KCTD16: variants seen among roughly 807,000 people sequenced by gnomAD.
The protein encoded by KCTD16 is potassium channel tetramerization domain containing 16.
Under a neutral mutation model 33.2 loss-of-function variants are expected in KCTD16, and 13 were observed. The observed-to-expected ratio is 0.39, with a 90% CI of 0.25 to 0.62. The LOEUF (loss-of-function observed/expected upper bound fraction) is 0.62, where lower values mean the gene tolerates loss of function less well. Among genes scored for constraint, KCTD16 ranks in the 20% least tolerant of loss-of-function variants. KCTD16 has a pLI of 0.50. For synonymous variants in KCTD16, 197 were observed against 195.3 expected, an observed-to-expected ratio of 1.01 and a Z score of -0.07; for missense variants, 441 against 525.1, an observed-to-expected ratio of 0.84 and a Z score of 1.57.
chr5:144,442,377 A>G (rs746725650), intron 3 of KCTD16, among the ~76,000 whole-genome samples: 8 of 152,230 alleles, frequency 5.3e-5, no homozygotes, highest in Admixed American at 2.6e-4. Flanking sequence ...CCTTGTGACT[A>G]GCAGAGTTGA....
chr5:144,250,575 C>G (rs963173026), intron 3 of KCTD16, among the ~76,000 whole-genome samples: 3 of 152,144 alleles, frequency 2.0e-5, no homozygotes, highest in African/African-American at 7.2e-5. Context: ...GTTTAGTAGG[C>G]AATTTACATT....
Position 144,246,876 on chromosome 5 carries a change from G to A in KCTD16, c.832+39330G>A, listed in dbSNP as rs574196333. ...TGCCTCCTCTAGCCATGGAGAAGAT[G>A]TATCAGGGAGAGCATGAACTTTGGA... is the stretch of plus-strand genomic sequence containing the variant. On this transcript the variant is annotated intron_variant, in intron 3 of 3. Coordinates refer to ENST00000512467, the MANE Select transcript of KCTD16 (RefSeq NM_020768.4). Among the ~76,000 whole-genome samples, 17 of 152,280 alleles carry A rather than the reference G, an allele frequency of 1.1e-4. No homozygotes were observed. In the East Asian group the frequency reaches 3.3e-3, roughly 29 times the overall value.
chr5:144,203,493 C>T (rs1753088526), intron 2 of KCTD16, among the ~76,000 whole-genome samples: 1 of 152,118 alleles, frequency 6.6e-6, no homozygotes, highest in South Asian at 2.1e-4. Flanking sequence ...AATCGTGTGA[C>T]CCTGAGGAAG....
At chr5:144,432,301 TA>T in intron 3 of KCTD16, among the ~76,000 whole-genome samples, 1 of 152,280 alleles carries the variant, frequency 6.6e-6, no homozygotes, top group East Asian at 1.9e-4. Flanking sequence ...GGAACATTAA[TA>T]AGTGCTTACA....
At chr5:144,193,179 C>A (rs1440148633) in intron 2 of KCTD16, among the ~76,000 whole-genome samples, 1 of 152,164 alleles carries the variant, frequency 6.6e-6, no homozygotes, top group Non-Finnish European at 1.5e-5. Context: ...ATCTGTTATC[C>A]CCATATCAGC....
chr5:144,379,149 C>T (rs75072914), intron 3 of KCTD16, among the ~76,000 whole-genome samples: 8,644 of 152,158 alleles, frequency 0.057, 815 homozygotes, highest in African/African-American at 0.19. Context: ...ATGCCTTTTA[C>T]GACTACCCAT....
chr5:144,195,071 A>T (rs531468202), intron 2 of KCTD16, among the ~76,000 whole-genome samples: 1 of 152,304 alleles, frequency 6.6e-6, no homozygotes, highest in African/African-American at 2.4e-5. Context: ...CAGCTTCCCC[A>T]GACCCTCAGG....
At chr5:144,337,553 G>GA (rs1752521161) in intron 3 of KCTD16, among the ~76,000 whole-genome samples, 4 of 150,546 alleles carry the variant, frequency 2.7e-5, no homozygotes, top group African/African-American at 5.0e-5. Flanking sequence ...CTTTTTATGT[G>GA]ATGTACATTG....
chr5:144,303,709 A>G (rs1012288560), intron 3 of KCTD16, among the ~76,000 whole-genome samples: 1 of 152,088 alleles, frequency 6.6e-6, no homozygotes, highest in African/African-American at 2.4e-5. Flanking sequence ...GGGGGTGGGA[A>G]ATGAGGAGAT....
chr5:144,216,712 C>T (rs542605886), intron 3 of KCTD16, among the ~76,000 whole-genome samples: 51 of 151,830 alleles, frequency 3.4e-4, no homozygotes, highest in African/African-American at 9.4e-4. Flanking sequence ...AGTATGGTGA[C>T]GGGCGCCTGT....
At chr5:144,201,840 G>A (rs760182828) in intron 2 of KCTD16, among the ~76,000 whole-genome samples, 5 of 152,222 alleles carry the variant, frequency 3.3e-5, no homozygotes, top group Non-Finnish European at 5.9e-5. Context: ...CTTAGCATAA[G>A]TAAGTTTATG....
At chr5:144,212,168 A>G (rs1438528730) in intron 3 of KCTD16, among the ~76,000 whole-genome samples, 1 of 152,192 alleles carries the variant, frequency 6.6e-6, no homozygotes, top group South Asian at 2.1e-4. Context: ...GCTCAGGCAG[A>G]TATTGGATAA....
intron 3 of KCTD16, among the ~76,000 whole-genome samples, chr5:144,366,950 G>T (rs74950997): frequency 0.012 from 1,899 of 152,280 alleles, 32 homozygotes; most frequent in African/African-American, 0.043. Context: ...AACCACTTTG[G>T]CAATGTCTAG....
intron 3 of KCTD16, among the ~76,000 whole-genome samples, chr5:144,296,710 A>G (rs1756047398): frequency 6.6e-6 from 1 of 152,182 alleles, no homozygotes; most frequent in Non-Finnish European, 1.5e-5. Context: ...ACTACTAGAT[A>G]TGGAAAAAGA....
At chr5:144,201,874 G>A (rs1381898654) in intron 2 of KCTD16, among the ~76,000 whole-genome samples, 4 of 152,190 alleles carry the variant, frequency 2.6e-5, no homozygotes, top group African/African-American at 9.7e-5. Flanking sequence ...CCCTGATAGC[G>A]AAGGCTGTCA....
chr5:144,197,980 T>C (rs1292286263), intron 2 of KCTD16, among the ~76,000 whole-genome samples: 1 of 152,134 alleles, frequency 6.6e-6, no homozygotes. Flanking sequence ...CTTTTAAAGG[T>C]TTCTCTTTTT....
intron 3 of KCTD16, among the ~76,000 whole-genome samples, chr5:144,262,678 C>T (rs1362308124): frequency 6.6e-6 from 1 of 152,150 alleles, no homozygotes; most frequent in Non-Finnish European, 1.5e-5. Flanking sequence ...AAAGACCTTC[C>T]TACTTCTTTG....
At chr5:144,206,208 A>G (rs1313905768) in intron 2 of KCTD16, among the ~76,000 whole-genome samples, 181 bp from the exon 3 acceptor site, 1 of 152,244 alleles carries the variant, frequency 6.6e-6, no homozygotes, top group Non-Finnish European at 1.5e-5. Flanking sequence ...ACAAAATAGC[A>G]TGAGAGAAGC....
intron 3 of KCTD16, among the ~76,000 whole-genome samples, chr5:144,389,379 A>G (rs769019883): frequency 6.6e-6 from 1 of 152,056 alleles, no homozygotes; most frequent in East Asian, 1.9e-4. Flanking sequence ...ATCAGCAGCA[A>G]CATTAGGTTC....
Sources: gnomAD v4.1 joint callset for allele counts (sites outside exome capture counted in the v4.1 genomes callset) on GRCh38, gnomAD v4.1.1 for gene constraint, MANE v1.5 for transcripts, NCBI Gene and HGNC (gene_info 2026-07-23, HGNC 2026-07-21) for gene names.